Variants in STK10 observed in about 807,000 individuals in gnomAD.
The protein encoded by STK10 is serine/threonine kinase 10.
A neutral mutation model predicts 113.8 loss-of-function variants in STK10; 78 were observed. The observed-to-expected ratio is 0.69, with a 90% CI of 0.57 to 0.83. The LOEUF (loss-of-function observed/expected upper bound fraction) is 0.83, where lower values mean the gene tolerates loss of function less well. Ranked by LOEUF, STK10 falls within the 40% of genes least tolerant of loss-of-function variation. STK10 has a pLI of 0.00. For missense variants in STK10, 1,109 were observed against 1,280.1 expected, an observed-to-expected ratio of 0.87 and a Z score of 2.04; for synonymous variants, 465 against 494.7, an observed-to-expected ratio of 0.94 and a Z score of 0.80.
chr5:172,061,126 T>C lies in STK10; in HGVS notation c.2212+13A>G, dbSNP rs11958254. 2.2e-3 allele frequency: 3,516 copies of C among 1,602,830 alleles called. 61 individuals are homozygous for C. The African/African-American group carries it at 0.042, about 19-fold the overall frequency. On this transcript the variant is annotated intron_variant, in intron 14 of 18. Transcript: ENST00000176763. Reference sequence around the variant, plus strand: ...TCTGGGCCAAGACAGCGCTGCCACTTGCACACCCCCACCTCGAAGGAGCTC... The same window carrying C: ...TCTGGGCCAAGACAGCGCTGCCACTCGCACACCCCCACCTCGAAGGAGCTC...
intron 10 of STK10, among the ~76,000 whole-genome samples, chr5:172,086,460 C>T (rs1450576601): frequency 3.3e-5 from 5 of 152,194 alleles, no homozygotes; most frequent in Non-Finnish European, 5.9e-5. Context: ...CCAGCTCTAG[C>T]ACTCCCTGGT....
intron 12 of STK10, among the ~76,000 whole-genome samples, chr5:172,076,177 GC>G (rs1768301440): frequency 7.0e-6 from 1 of 142,624 alleles, no homozygotes; most frequent in African/African-American, 2.6e-5. Context: ...GCTGTCCTGT[GC>G]GTTAGTTGTG....
At chr5:172,103,582 C>T (rs1284056598) in intron 7 of STK10, among the ~76,000 whole-genome samples, 1 of 152,064 alleles carries the variant, frequency 6.6e-6, no homozygotes, top group Middle Eastern at 3.2e-3. Context: ...CCCCACTCGA[C>T]CCCACCCACT....
intron 1 of STK10, among the ~76,000 whole-genome samples, chr5:172,182,746 G>T (rs1770882694): frequency 6.6e-6 from 1 of 151,878 alleles, no homozygotes; most frequent in Admixed American, 6.6e-5. Flanking sequence ...TAGAGACGGG[G>T]TTTCACCATG....
intron 2 of STK10, among the ~76,000 whole-genome samples, chr5:172,128,477 C>T (rs1044317930): frequency 2.0e-5 from 3 of 152,016 alleles, no homozygotes; most frequent in African/African-American, 7.2e-5. Context: ...ATTAAAGGCA[C>T]CTGCCACCAC....
At chr5:172,110,133 A>C (rs2113769060) in intron 4 of STK10, among the ~76,000 whole-genome samples, 1 of 152,304 alleles carries the variant, frequency 6.6e-6, no homozygotes, top group South Asian at 2.1e-4. Flanking sequence ...TACAATGAGG[A>C]CCCTCGGGGA....
intron 15 of STK10, chr5:172,057,134 T>C: frequency 1.7e-6 from 1 of 582,416 alleles, no homozygotes; most frequent in Non-Finnish European, 3.0e-6. Context: ...GCCATTGGCT[T>C]CCCTGCATCG....
chr5:172,173,257 C>T (rs1287676102), intron 1 of STK10, among the ~76,000 whole-genome samples: 1 of 152,220 alleles, frequency 6.6e-6, no homozygotes, highest in Non-Finnish European at 1.5e-5. Flanking sequence ...GCTTCCCCAA[C>T]CCCGTATCAG....
At chr5:172,051,720 T>C (rs753509875) in intron 18 of STK10, among the ~76,000 whole-genome samples, 2 of 152,014 alleles carry the variant, frequency 1.3e-5, no homozygotes, top group East Asian at 1.9e-4. Context: ...AAGGTGGGCC[T>C]AGGAGGACAA....
chr5:172,107,930 A>G, intron 4 of STK10, 78 bp from the exon 5 acceptor site: 1 of 1,272,612 alleles, frequency 7.9e-7, no homozygotes, highest in South Asian at 1.2e-5. Context: ...TCAGGGGTAC[A>G]CATTCCAAGT....
chr5:172,176,539 C>T (rs989309510), intron 1 of STK10, among the ~76,000 whole-genome samples: 3 of 152,154 alleles, frequency 2.0e-5, no homozygotes, highest in African/African-American at 7.2e-5. Flanking sequence ...TAGTTTTGGG[C>T]AGCCAGGAAT....
At chr5:172,102,552 A>AG (rs1479353490) in intron 7 of STK10, among the ~76,000 whole-genome samples, 1 of 152,062 alleles carries the variant, frequency 6.6e-6, no homozygotes, top group Non-Finnish European at 1.5e-5. Flanking sequence ...GCTGGGGCAA[A>AG]GGGGGGCGAG....
Position 172,157,983 on chromosome 5 carries a change from G to A in STK10, c.157-1195C>T, listed in dbSNP as rs181358871. 1.5e-3 allele frequency among the ~76,000 whole-genome samples: 231 copies of A among 152,304 alleles called. 1 individual carries two copies. The highest frequency in any genetic ancestry group is 5.2e-3 in the African/African-American group (218 of 41,566). ...ACAGTAGAATGAAAAGGCAGACTGC[G>A]TAAGTGCCCACCAGTTACAGCGGAA... On this transcript the variant is annotated intron_variant, in intron 1 of 18. Transcript: ENST00000176763.
At chr5:172,154,343 C>A in intron 2 of STK10, among the ~76,000 whole-genome samples, 1 of 152,156 alleles carries the variant, frequency 6.6e-6, no homozygotes, top group East Asian at 1.9e-4. Context: ...TACAACATGG[C>A]CCCCAATTAC....
intron 3 of STK10, among the ~76,000 whole-genome samples, chr5:172,125,385 T>G (rs1329651857): frequency 6.7e-6 from 1 of 148,502 alleles, no homozygotes; most frequent in Non-Finnish European, 1.5e-5. Context: ...CATGACTTTT[T>G]TTCATTTTTT....
intron 2 of STK10, among the ~76,000 whole-genome samples, chr5:172,148,540 C>A (rs968546551): frequency 6.6e-6 from 1 of 152,256 alleles, no homozygotes; most frequent in Admixed American, 6.5e-5. Flanking sequence ...CCACCTGCTG[C>A]TTCACAGCTC....
intron 2 of STK10, among the ~76,000 whole-genome samples, chr5:172,132,222 G>A (rs960526353): frequency 6.6e-6 from 1 of 152,126 alleles, no homozygotes; most frequent in African/African-American, 2.4e-5. Flanking sequence ...AAAAAGACTG[G>A]AAGCACAAAA....
At chr5:172,123,659 G>A (rs923441428) in intron 3 of STK10, among the ~76,000 whole-genome samples, 1 of 152,112 alleles carries the variant, frequency 6.6e-6, no homozygotes, top group African/African-American at 2.4e-5. Context: ...CATTCCAGCT[G>A]TGTGTGATAT....
intron 10 of STK10, 140 bp from the exon 11 acceptor site, chr5:172,083,224 G>C: frequency 9.9e-7 from 1 of 1,008,966 alleles, no homozygotes; most frequent in Non-Finnish European, 1.4e-6. Context: ...TAGAACTCAG[G>C]CTTCATTTGA....
Sources: gnomAD v4.1 joint callset for allele counts (sites outside exome capture counted in the v4.1 genomes callset) on GRCh38, gnomAD v4.1.1 for gene constraint, MANE v1.5 for transcripts, NCBI Gene and HGNC (gene_info 2026-07-23, HGNC 2026-07-21) for gene names.